SLC4A10: variants seen among roughly 807,000 people sequenced by gnomAD.
SLC4A10 encodes the protein sodium-driven chloride bicarbonate exchanger.
A neutral mutation model predicts 137.7 loss-of-function variants in SLC4A10; 42 were observed. The ratio of observed to expected loss-of-function variants is 0.30; its 90% CI spans 0.24 to 0.39. SLC4A10 has a LOEUF of 0.39. SLC4A10 is among the 10% of genes least tolerant of loss of function. SLC4A10 has a pLI of 1.00. For synonymous variants in SLC4A10, 474 were observed against 464.1 expected (o/e 1.02, Z -0.27); for missense variants, 925 against 1,355.0 (o/e 0.68, Z 4.98).
intron 15 of SLC4A10, among the ~76,000 whole-genome samples, chr2:161,941,235 A>G (rs970878440): frequency 6.6e-6 from 1 of 152,172 alleles, no homozygotes; most frequent in Non-Finnish European, 1.5e-5. Flanking sequence ...TTTTCTCTTT[A>G]TAATGTCTAC....
chr2:161,947,433 C>A, intron 16 of SLC4A10, 133 bp from the exon 17 acceptor site: 1 of 887,828 alleles, frequency 1.1e-6, no homozygotes, highest in Non-Finnish European at 1.6e-6. Flanking sequence ...GTAATGCCTG[C>A]TAAATCATTG....
intron 4 of SLC4A10, among the ~76,000 whole-genome samples, chr2:161,849,299 A>G (rs1275245747): frequency 6.6e-6 from 1 of 152,018 alleles, no homozygotes; most frequent in East Asian, 1.9e-4. Flanking sequence ...TAGGAGCCTC[A>G]AGCAGAGATT....
chr2:161,650,621 G>C (rs1485309565), intron 1 of SLC4A10, among the ~76,000 whole-genome samples: 2 of 152,238 alleles, frequency 1.3e-5, no homozygotes, highest in Admixed American at 6.5e-5. Flanking sequence ...TGGAAGTGCC[G>C]GCTCCTGTTC....
At position 161,983,160 on chromosome 2, in the gene SLC4A10, C is replaced by T. The variant is rs891297050; in HGVS notation, c.*27-19C>T. ...TGCTGGATTGCAGTAATAAATGTGT[C>T]CTTTTTTTCCTTCTGTAGCATTGAA... On this transcript the variant is annotated intron_variant, in intron 26 of 26. Transcript: ENST00000446997. The T allele has an allele frequency of 2.6e-6, 4 of 1,536,038 alleles. No homozygotes were observed. The highest frequency in any genetic ancestry group is 2.6e-6 in the Non-Finnish European group (3 of 1,146,674).
At chr2:161,849,252 T>A (rs942368580) in intron 4 of SLC4A10, among the ~76,000 whole-genome samples, 2 of 152,186 alleles carry the variant, frequency 1.3e-5, no homozygotes, top group Non-Finnish European at 2.9e-5. Flanking sequence ...TATTGATTTT[T>A]GTATCTTAAA....
At chr2:161,798,651 C>T (rs1224274477) in intron 2 of SLC4A10, among the ~76,000 whole-genome samples, 1 of 151,180 alleles carries the variant, frequency 6.6e-6, no homozygotes, top group Non-Finnish European at 1.5e-5. Context: ...TATGTACAAA[C>T]CTTTGATTTT....
chr2:161,936,893 A>G (rs981557697), intron 15 of SLC4A10, among the ~76,000 whole-genome samples: 2 of 151,910 alleles, frequency 1.3e-5, no homozygotes, highest in African/African-American at 4.8e-5. Context: ...GTTTCTTCTT[A>G]TTTTGTGTGT....
intron 3 of SLC4A10, among the ~76,000 whole-genome samples, chr2:161,839,376 T>G (rs951229366): frequency 6.6e-6 from 1 of 152,114 alleles, no homozygotes; most frequent in Non-Finnish European, 1.5e-5. Context: ...TTCTGCATAG[T>G]TTTAGTATAA....
intron 1 of SLC4A10, among the ~76,000 whole-genome samples, chr2:161,766,928 ACAGG>A (rs1013267480): frequency 2.8e-4 from 42 of 151,252 alleles, no homozygotes; most frequent in African/African-American, 9.4e-4. Context: ...ATATAAGACC[ACAGG>A]CTAAAAAACA....
chr2:161,968,973 G>T (rs1016426045), intron 23 of SLC4A10, among the ~76,000 whole-genome samples: 3 of 152,196 alleles, frequency 2.0e-5, no homozygotes, highest in African/African-American at 7.2e-5. Flanking sequence ...TCTTCTAAGA[G>T]ATTGTGTGTT....
chr2:161,769,425 A>T (rs1004792173), intron 1 of SLC4A10, among the ~76,000 whole-genome samples: 8 of 151,958 alleles, frequency 5.3e-5, no homozygotes, highest in Admixed American at 2.0e-4. Context: ...CTAGTCAAAG[A>T]TCTAAAAGCA....
chr2:161,718,122 T>G (rs1003384720), intron 1 of SLC4A10, among the ~76,000 whole-genome samples: 1 of 152,054 alleles, frequency 6.6e-6, no homozygotes, highest in Non-Finnish European at 1.5e-5. Context: ...CTCTGATGGT[T>G]GTTTGTATTT....
At chr2:161,748,840 G>A (rs905718370) in intron 1 of SLC4A10, among the ~76,000 whole-genome samples, 2 of 152,062 alleles carry the variant, frequency 1.3e-5, no homozygotes, top group African/African-American at 2.4e-5. Context: ...TTTGATAGGG[G>A]TTGTGTTGAA....
chr2:161,845,726 A>G (rs942225151), intron 4 of SLC4A10, among the ~76,000 whole-genome samples: 2 of 152,160 alleles, frequency 1.3e-5, no homozygotes, highest in Non-Finnish European at 2.9e-5. Context: ...CTATTAAATG[A>G]AGGAAAAATA....
chr2:161,628,160 G>T (rs1054599731), intron 1 of SLC4A10, among the ~76,000 whole-genome samples: 10 of 151,988 alleles, frequency 6.6e-5, no homozygotes, highest in Non-Finnish European at 1.3e-4. Flanking sequence ...TGTTGAATTT[G>T]CTTTTAGGAG....
At chr2:161,670,843 C>T (rs1247196627) in intron 1 of SLC4A10, among the ~76,000 whole-genome samples, 1 of 152,024 alleles carries the variant, frequency 6.6e-6, no homozygotes, top group East Asian at 1.9e-4. Context: ...ATCAAACCTC[C>T]CTCTTCTATG....
intron 1 of SLC4A10, among the ~76,000 whole-genome samples, chr2:161,760,819 G>GT (rs1327415041): frequency 6.6e-6 from 1 of 151,676 alleles, no homozygotes; most frequent in Non-Finnish European, 1.5e-5. Context: ...TGTCCTAATG[G>GT]TTTTTGTGGC....
chr2:161,756,091 T>A (rs1348170116), intron 1 of SLC4A10, among the ~76,000 whole-genome samples: 1 of 152,134 alleles, frequency 6.6e-6, no homozygotes, highest in Admixed American at 6.6e-5. Flanking sequence ...TTTCAAAATG[T>A]CATTTTAAAA....
chr2:161,624,512 A>G lies in SLC4A10; in HGVS notation c.-7A>G, dbSNP rs1348237329. 4.5e-6 allele frequency: 7 copies of G among 1,553,420 alleles called. No individual in the cohort carries two copies. The South Asian group carries it at 8.3e-5, about 18-fold the overall frequency. The stretch of plus-strand genomic sequence containing the variant: ...GCAAGGTGCTTATTCCAGAGGCGTT[A>G]CAAAACATGGAGATTAAAGACCAGG... On this transcript the variant is annotated 5_prime_UTR_variant, in exon 1 of 27. Coordinates refer to ENST00000446997, the MANE Select transcript of SLC4A10 (RefSeq NM_001178015.2).
Sources: allele counts gnomAD v4.1 joint callset (sites outside exome capture counted in the v4.1 genomes callset), GRCh38; gene constraint gnomAD v4.1.1; transcripts MANE v1.5; gene names NCBI Gene and HGNC (gene_info 2026-07-23, HGNC 2026-07-21).